Variants in TRPA1 observed in about 807,000 individuals in gnomAD.
The protein encoded by TRPA1 is ankyrin-like with transmembrane domains 1.
In TRPA1, 129 loss-of-function variants were observed where a neutral mutation model predicts 131.3. The observed-to-expected ratio is 0.98, with a 90% CI of 0.85 to 1.14. The LOEUF (loss-of-function observed/expected upper bound fraction) is 1.14, where lower values mean the gene tolerates loss of function less well. Ranked by LOEUF, TRPA1 falls within the 50% of genes most tolerant of loss-of-function variation. The pLI, the probability that TRPA1 is intolerant of heterozygous loss-of-function variation, is 0.00. For missense variants in TRPA1, 1,304 were observed against 1,354.2 expected, an observed-to-expected ratio of 0.96 and a Z score of 0.58; for synonymous variants, 441 against 451.7, an observed-to-expected ratio of 0.98 and a Z score of 0.30.
intron 10 of TRPA1, 104 bp from the exon 11 acceptor site, chr8:72,055,959 G>A (rs897044861): frequency 2.7e-6 from 3 of 1,108,462 alleles, no homozygotes; most frequent in Non-Finnish European, 4.0e-6. Context: ...GGGTCAATAT[G>A]TATTCCTTGG....
chr8:72,061,827 G>C, intron 6 of TRPA1, 66 bp from the exon 7 acceptor site: 1 of 1,523,416 alleles, frequency 6.6e-7, no homozygotes, highest in Non-Finnish European at 9.1e-7. Flanking sequence ...CTTATATTCA[G>C]CTGTGAGCTT....
the TRPA1 span, among the ~76,000 whole-genome samples, chr8:72,089,746 C>G: frequency 6.6e-6 from 1 of 151,918 alleles, no homozygotes; most frequent in Non-Finnish European, 1.5e-5. Context: ...GTAACTATGT[C>G]AGATTGAAAC....
chr8:72,024,475 C>T (rs1434473466), intron 25 of TRPA1, among the ~76,000 whole-genome samples: 1 of 151,984 alleles, frequency 6.6e-6, no homozygotes, highest in African/African-American at 2.4e-5. Flanking sequence ...CACAGGCCAT[C>T]CAGGAAGTCA....
chr8:72,041,160 AG>A (rs1404400011), intron 17 of TRPA1: 1 of 152,124 alleles, frequency 6.6e-6, no homozygotes, highest in Non-Finnish European at 1.5e-5. Flanking sequence ...CTCACCAGGA[AG>A]ATACAACAAT....
In TRPA1 at chr8:72,039,716, T is replaced by C; in HGVS notation, c.2132+11A>G. The C allele has an allele frequency of 6.4e-7, 1 of 1,564,788 alleles. No homozygotes were observed. Among genetic ancestry groups the C allele is most frequent in the Non-Finnish European group, 8.8e-7 (1 of 1,135,710 alleles). ...CACAGCATTAAACAAGAAATACTAC[T>C]CAATACCCACCATTTCATGAGTAAA... On this transcript the variant is annotated intron_variant, in intron 18 of 26. Coordinates refer to ENST00000262209, the MANE Select transcript of TRPA1 (RefSeq NM_007332.3).
chr8:72,021,741 C>A lies in TRPA1; in HGVS notation c.*1165G>T, dbSNP rs1324736173. The A allele has an allele frequency of 6.6e-6, 1 of 151,658 alleles. No homozygotes were observed. The highest frequency in any genetic ancestry group is 2.4e-5 in the African/African-American group (1 of 41,238). The allele number at this position is 151,658 out of a possible 1,614,324, so 9.4% of individuals were successfully genotyped here. A position where few individuals can be genotyped will look rare whatever the true frequency, so the allele number is the denominator to read the frequency against. On this transcript the variant is annotated 3_prime_UTR_variant, in exon 27 of 27. Coordinates refer to ENST00000262209, the MANE Select transcript of TRPA1 (RefSeq NM_007332.3). The stretch of plus-strand genomic sequence containing the variant: ...TGAAATAGTAAGCCACACCAAAGGC[C>A]CCGTACTAGATGGAATACAGTAACA...
At chr8:72,023,417 T>A (rs1283171543) in intron 26 of TRPA1, 6 of 479,080 alleles carry the variant, frequency 1.3e-5, no homozygotes, top group African/African-American at 1.9e-5. Flanking sequence ...CCTAGTTGAA[T>A]AGGGGTTTGA....
chr8:72,059,851 G>C (rs1236884068), intron 7 of TRPA1, among the ~76,000 whole-genome samples: 1 of 152,128 alleles, frequency 6.6e-6, no homozygotes, highest in African/African-American at 2.4e-5. Context: ...CCCCTCTTTG[G>C]GGGGCTTCTC....
chr8:72,087,696 T>C, the TRPA1 span, among the ~76,000 whole-genome samples: 1 of 151,872 alleles, frequency 6.6e-6, no homozygotes, highest in East Asian at 1.9e-4. Flanking sequence ...CAATTGAGTC[T>C]TTGTCAATGT....
chr8:72,071,688 G>C (rs775149002), intron 2 of TRPA1, 23 bp downstream of exon 2: 1 of 1,612,082 alleles, frequency 6.2e-7, no homozygotes. Flanking sequence ...ATTTCTGGAA[G>C]ATGAATTGTA....
At chr8:72,054,547 G>A (rs1363046284) in intron 12 of TRPA1, 1 of 152,798 alleles carries the variant, frequency 6.5e-6, no homozygotes, top group Non-Finnish European at 1.5e-5. Context: ...CAGTGCTAGT[G>A]AGCAGATGTT....
chr8:72,027,291 G>A (rs1811643347), intron 24 of TRPA1, among the ~76,000 whole-genome samples: 1 of 152,096 alleles, frequency 6.6e-6, no homozygotes, highest in African/African-American at 2.4e-5. Context: ...ATGGTCCTGG[G>A]GGAGGTTGGC....
chr8:72,039,711 A>G lies in TRPA1; in HGVS notation c.2132+16T>C. 6.6e-7 allele frequency: 1 copy of G among 1,518,524 alleles called. No homozygotes were observed. The highest frequency in any genetic ancestry group is 9.1e-7 in the Non-Finnish European group (1 of 1,093,590). The allele number at this position is 1,518,524 out of a possible 1,614,324, so 94.1% of individuals were successfully genotyped here. ...ATAGACACAGCATTAAACAAGAAAT[A>G]CTACTCAATACCCACCATTTCATGA... On this transcript the variant is annotated intron_variant, in intron 18 of 26. Transcript: ENST00000262209.
At chr8:72,070,197 T>C (rs546982391) in intron 2 of TRPA1, among the ~76,000 whole-genome samples, 21 of 152,360 alleles carry the variant, frequency 1.4e-4, no homozygotes, top group Non-Finnish European at 2.5e-4. Context: ...TGCTCATAAA[T>C]ATGATTTGGA....
intron 17 of TRPA1, among the ~76,000 whole-genome samples, chr8:72,046,005 T>C (rs929146592): frequency 1.3e-5 from 2 of 152,058 alleles, no homozygotes; most frequent in African/African-American, 4.8e-5. Flanking sequence ...TGGAGCCCAG[T>C]GGCTAGCTGA....
At chr8:72,070,964 T>G (rs1806045877) in intron 2 of TRPA1, among the ~76,000 whole-genome samples, 1 of 152,240 alleles carries the variant, frequency 6.6e-6, no homozygotes, top group Non-Finnish European at 1.5e-5. Flanking sequence ...GATGATTAAA[T>G]TATTAGCCTA....
At chr8:72,050,658 T>G in intron 15 of TRPA1, 120 bp downstream of exon 15, 1 of 727,224 alleles carries the variant, frequency 1.4e-6, no homozygotes, top group Middle Eastern at 3.8e-4. Context: ...CTCATTTCCC[T>G]TACAGCCTAT....
intron 3 of TRPA1, among the ~76,000 whole-genome samples, chr8:72,067,757 C>T (rs771124650): frequency 1.3e-5 from 2 of 152,256 alleles, no homozygotes; most frequent in African/African-American, 4.8e-5. Flanking sequence ...TAGCACTTGG[C>T]TCATGAATAA....
Position 72,059,012 on chromosome 8 carries a change from G to A in TRPA1, c.993+378C>T, listed in dbSNP as rs532237765. ...GCATCTGGGATAGGAGTTTCCCCCC[G>A]TGCTGCCTGTCCTGCCTCCACCTTA... On this transcript the variant is annotated intron_variant, in intron 8 of 26. Coordinates refer to ENST00000262209, the MANE Select transcript of TRPA1 (RefSeq NM_007332.3). Among the ~76,000 whole-genome samples the A allele has an allele frequency of 5.3e-5, 8 of 152,210 alleles. No homozygotes were observed. The South Asian group carries it at 1.0e-3, about 20-fold the overall frequency.
Sources: gnomAD v4.1 joint callset for allele counts (sites outside exome capture counted in the v4.1 genomes callset) on GRCh38, gnomAD v4.1.1 for gene constraint, MANE v1.5 for transcripts, NCBI Gene and HGNC (gene_info 2026-07-23, HGNC 2026-07-21) for gene names.